ELMO1: variants seen among roughly 807,000 people sequenced by gnomAD.
The protein encoded by ELMO1 is engulfment and cell motility protein 1.
A neutral mutation model predicts 98.9 loss-of-function variants in ELMO1; 26 were observed. That is an observed-to-expected ratio of 0.26 (90% confidence interval 0.19 to 0.36). ELMO1 has a LOEUF of 0.36. ELMO1 is among the 10% of genes least tolerant of loss of function. ELMO1 has a pLI of 1.00. For synonymous variants in ELMO1, 346 were observed against 346.0 expected (o/e 1.00, Z 0.00); for missense variants, 627 against 935.2 (o/e 0.67, Z 4.30).
At chr7:36,977,112 G>A (rs571328731) in intron 16 of ELMO1, among the ~76,000 whole-genome samples, 9 of 152,322 alleles carry the variant, frequency 5.9e-5, no homozygotes, top group African/African-American at 1.9e-4. Flanking sequence ...TACTGAAACT[G>A]TTAGGAAAAG....
chr7:37,156,178 T>C (rs1268150940), intron 13 of ELMO1, among the ~76,000 whole-genome samples: 1 of 152,114 alleles, frequency 6.6e-6, no homozygotes, highest in East Asian at 1.9e-4. Context: ...TAAAGCAGTG[T>C]GTAGAAGGAA....
chr7:36,954,371 TG>T (rs1788269300), intron 16 of ELMO1, among the ~76,000 whole-genome samples: 1 of 152,062 alleles, frequency 6.6e-6, no homozygotes, highest in Non-Finnish European at 1.5e-5. Context: ...GGCAGGGGTG[TG>T]GGGGAAGCAG....
At chr7:37,049,154 T>C (rs572251594) in intron 15 of ELMO1, among the ~76,000 whole-genome samples, 5 of 152,322 alleles carry the variant, frequency 3.3e-5, no homozygotes, top group African/African-American at 1.2e-4. Flanking sequence ...TGTTAAGGGA[T>C]AAACATTAAG....
In ELMO1 at chr7:37,232,989, T is replaced by C; in HGVS notation, c.549+106A>G. On this transcript the variant is annotated intron_variant, in intron 8 of 21. Transcript: ENST00000310758. ...ATAAAAAATCATACCCATCTTTTAA[T>C]ATAAAGAACTAAAGGAAAGACAATT... The C allele has an allele frequency of 5.1e-6, 5 of 972,640 alleles. No homozygotes were observed. The East Asian group carries it at 1.1e-4, about 21-fold the overall frequency. 60.3% of individuals were successfully genotyped at this position (972,640 alleles called of 1,614,324 possible).
intron 15 of ELMO1, among the ~76,000 whole-genome samples, chr7:37,023,755 A>AT (rs999509092): frequency 1.3e-4 from 20 of 151,340 alleles, no homozygotes; most frequent in East Asian, 9.7e-4. Context: ...TAATTTTTGT[A>AT]TTTTTTTTAG....
At chr7:36,981,707 A>C (rs2129144024) in intron 16 of ELMO1, among the ~76,000 whole-genome samples, 1 of 152,304 alleles carries the variant, frequency 6.6e-6, no homozygotes, top group Non-Finnish European at 1.5e-5. Context: ...CCACAGATGG[A>C]TGAGTGCCGA....
chr7:37,409,289 G>A (rs913258974), intron 1 of ELMO1, among the ~76,000 whole-genome samples: 2 of 152,068 alleles, frequency 1.3e-5, no homozygotes, highest in Admixed American at 6.5e-5. Flanking sequence ...TATCATTAAC[G>A]GGTCACTAGT....
At chr7:36,958,464 C>G (rs1788649590) in intron 16 of ELMO1, among the ~76,000 whole-genome samples, 1 of 152,160 alleles carries the variant, frequency 6.6e-6, no homozygotes, top group Non-Finnish European at 1.5e-5. Flanking sequence ...GAGTCCTTCC[C>G]TCCCTCCTCA....
intron 2 of ELMO1, among the ~76,000 whole-genome samples, chr7:37,337,321 A>G (rs770263414): frequency 6.6e-6 from 1 of 152,158 alleles, no homozygotes; most frequent in Non-Finnish European, 1.5e-5. Context: ...GTGGGAATTG[A>G]ACAATGAGAA....
chr7:36,930,568 C>T (rs1042417376), intron 16 of ELMO1, among the ~76,000 whole-genome samples: 1 of 152,176 alleles, frequency 6.6e-6, no homozygotes, highest in Non-Finnish European at 1.5e-5. Flanking sequence ...TCCTGTATTC[C>T]AGGGGCATTG....
At chr7:36,970,483 A>G (rs561121940) in intron 16 of ELMO1, among the ~76,000 whole-genome samples, 1 of 152,026 alleles carries the variant, frequency 6.6e-6, no homozygotes, top group Non-Finnish European at 1.5e-5. Flanking sequence ...GAGGCTTCCC[A>G]CTCTGTGGTT....
At chr7:37,194,066 A>T (rs1356557252) in intron 13 of ELMO1, among the ~76,000 whole-genome samples, 1 of 152,172 alleles carries the variant, frequency 6.6e-6, no homozygotes, top group Non-Finnish European at 1.5e-5. Context: ...TGAAGACTGG[A>T]GTCCCATGTG....
At chr7:36,898,427 G>GT (rs1490082969) in intron 16 of ELMO1, among the ~76,000 whole-genome samples, 3 of 151,920 alleles carry the variant, frequency 2.0e-5, no homozygotes, top group Non-Finnish European at 2.9e-5. Context: ...TCAGTGGTGT[G>GT]TTTCTGAAGT....
At chr7:37,093,025 CTT>C (rs1294448813) in intron 15 of ELMO1, among the ~76,000 whole-genome samples, 1 of 151,210 alleles carries the variant, frequency 6.6e-6, no homozygotes, top group East Asian at 1.9e-4. Flanking sequence ...TGCCATTGCT[CTT>C]GATTAACTCC....
At chr7:36,986,147 T>C (rs963643710) in intron 16 of ELMO1, 27 of 986,702 alleles carry the variant, frequency 2.7e-5, no homozygotes, top group Non-Finnish European at 3.1e-5. Flanking sequence ...AGAATAAGCA[T>C]GTAGCTTTGC....
At chr7:36,923,608 ATCT>A (rs1161084725) in intron 16 of ELMO1, among the ~76,000 whole-genome samples, 1 of 152,236 alleles carries the variant, frequency 6.6e-6, no homozygotes, top group Non-Finnish European at 1.5e-5. Context: ...ATTTTAAAAA[ATCT>A]TCTCAAGAAT....
intron 16 of ELMO1, among the ~76,000 whole-genome samples, chr7:36,948,390 T>A (rs1787684365): frequency 6.6e-6 from 1 of 152,190 alleles, no homozygotes; most frequent in African/African-American, 2.4e-5. Flanking sequence ...TGAGTTAGAA[T>A]GTCATCTATG....
chr7:37,248,768 G>C (rs1409947951), intron 6 of ELMO1, among the ~76,000 whole-genome samples: 1 of 152,254 alleles, frequency 6.6e-6, no homozygotes, highest in Non-Finnish European at 1.5e-5. Flanking sequence ...GCAGCAAGTA[G>C]ATGAATCGCT....
intron 11 of ELMO1, among the ~76,000 whole-genome samples, chr7:37,215,962 A>AT (rs1329858796): frequency 6.7e-6 from 1 of 148,638 alleles, no homozygotes; most frequent in African/African-American, 2.5e-5. Context: ...GCAAACAGAG[A>AT]TTTTTCTTTT....
Sources: gnomAD v4.1 joint callset for allele counts (sites outside exome capture counted in the v4.1 genomes callset) on GRCh38, gnomAD v4.1.1 for gene constraint, MANE v1.5 for transcripts, NCBI Gene and HGNC (gene_info 2026-07-23, HGNC 2026-07-21) for gene names.